BCAS3: variants seen among roughly 807,000 people sequenced by gnomAD.
The protein encoded by BCAS3 is BCAS4/BCAS3 fusion.
In BCAS3, 53 loss-of-function variants were observed where a neutral mutation model predicts 116.1. The observed-to-expected ratio is 0.46, with a 90% confidence interval of 0.37 to 0.57. The LOEUF (loss-of-function observed/expected upper bound fraction) is 0.57, where lower values mean the gene tolerates loss of function less well. BCAS3 is among the 20% of genes least tolerant of loss of function. The probability of loss-of-function intolerance (pLI) is 0.00; values close to 1 mark genes in which losing one functional copy is unlikely to be tolerated. For missense variants in BCAS3, 917 were observed against 1,165.4 expected, an observed-to-expected ratio of 0.79 and a Z score of 3.10; for synonymous variants, 391 against 408.2, an observed-to-expected ratio of 0.96 and a Z score of 0.51.
At position 60,964,224 on chromosome 17, in the gene BCAS3, G is replaced by A. The variant is rs2061551152; in HGVS notation, c.1221+16872G>A. ...AGTATGTTGTTTCTATACCCATTTT[G>A]ATTAGGGGTTTTTTTATATCATAAA... On this transcript the variant is annotated intron_variant, in intron 14 of 23. Transcript: ENST00000407086. This position sits in a 1 kb window ranked among gnomAD's most constrained non-coding sequence, Gnocchi z 4.6. 6.6e-6 allele frequency among the ~76,000 whole-genome samples: 1 copy of A among 151,972 alleles called. No individual in the cohort carries two copies. The highest frequency in any genetic ancestry group is 2.4e-5 in the African/African-American group (1 of 41,376).
rs1234706330 is a variant in BCAS3 at position 61,144,392 on chromosome 17, A to G, written c.2425+59828A>G. ...AAGACCTGGAACATTTCAGACAATC[A>G]CACAGATGTTTTCTTATGCTATATA... is the stretch of plus-strand genomic sequence containing the variant. On this transcript the variant is annotated intron_variant, in intron 22 of 23. Coordinates refer to ENST00000407086, the MANE Select transcript of BCAS3 (RefSeq NM_017679.5). The surrounding 1 kb of genome is among the most constrained non-coding windows in gnomAD (Gnocchi z 5.0). 6.6e-6 allele frequency among the ~76,000 whole-genome samples: 1 copy of G among 152,226 alleles called. No individual in the cohort carries two copies. Among genetic ancestry groups the G allele is most frequent in the African/African-American group, 2.4e-5 (1 of 41,454 alleles).
At chr17:60,719,462 AAGG>A (rs1463361975) in intron 5 of BCAS3, among the ~76,000 whole-genome samples, 1 of 152,238 alleles carries the variant, frequency 6.6e-6, no homozygotes, top group African/African-American at 2.4e-5. Context: ...CCAGTTGGAG[AAGG>A]AGTTTTTGAT....
Position 61,251,185 on chromosome 17 carries a change from G to A in BCAS3, c.2426-117142G>A, listed in dbSNP as rs1380542145. Among the ~76,000 whole-genome samples the A allele has an allele frequency of 1.3e-5, 2 of 152,224 alleles. No homozygotes were observed. Among genetic ancestry groups the A allele is most frequent in the Non-Finnish European group, 2.9e-5 (2 of 68,036 alleles). ...GAGACATTGGAGGCCTCAGCCTGGT[G>A]TCCCAGACAGTATTTGTCAGGCTGA... On this transcript the variant is annotated intron_variant, in intron 22 of 23. Coordinates refer to ENST00000407086, the MANE Select transcript of BCAS3 (RefSeq NM_017679.5). The surrounding 1 kb of genome is among the most constrained non-coding windows in gnomAD (Gnocchi z 4.7).
chr17:61,358,117 T>C (rs1603024259), intron 22 of BCAS3, among the ~76,000 whole-genome samples: 1 of 151,808 alleles, frequency 6.6e-6, no homozygotes, highest in Non-Finnish European at 1.5e-5. Context: ...GGGAAACATA[T>C]AGAAAAATAT....
intron 22 of BCAS3, among the ~76,000 whole-genome samples, chr17:61,250,682 C>G (rs891555377): frequency 6.6e-6 from 1 of 152,208 alleles, no homozygotes; most frequent in African/African-American, 2.4e-5. Flanking sequence ...CTCTCCTTTA[C>G]TAACCCATGT....
intron 22 of BCAS3, among the ~76,000 whole-genome samples, chr17:61,338,329 C>T (rs1264296126): frequency 6.6e-6 from 1 of 152,182 alleles, no homozygotes; most frequent in East Asian, 1.9e-4. Context: ...CTATAATAAG[C>T]AAATTCAGCA....
At chr17:60,764,585 C>T (rs8080577) in intron 6 of BCAS3, among the ~76,000 whole-genome samples, 41,666 of 151,868 alleles carry the variant, frequency 0.27, 11,419 homozygotes, top group African/African-American at 0.71. Flanking sequence ...TTCTGTTCTT[C>T]TATATTTGCT....
intron 19 of BCAS3, among the ~76,000 whole-genome samples, chr17:61,064,560 T>A (rs2070411867): frequency 6.6e-6 from 1 of 152,196 alleles, no homozygotes; most frequent in Non-Finnish European, 1.5e-5. Context: ...TTATGTCTTC[T>A]GTAGTAATAT....
chr17:61,015,735 A>G lies in BCAS3; in HGVS notation c.1487-16A>G. On this transcript the variant is annotated splice_polypyrimidine_tract_variant and intron_variant, in intron 15 of 23. Transcript: ENST00000407086. Reference sequence around the variant, plus strand: ...ACCTTCCTCAGTGATGCTTTTCTTTATTTTTCTCTTTGTAGGGAAACTGAA... The same window carrying G: ...ACCTTCCTCAGTGATGCTTTTCTTTGTTTTTCTCTTTGTAGGGAAACTGAA... The G allele has an allele frequency of 6.2e-7, 1 of 1,613,414 alleles. No individual in the cohort carries two copies. Among genetic ancestry groups the G allele is most frequent in the Non-Finnish European group, 8.5e-7 (1 of 1,179,556 alleles).
At chr17:60,839,958 A>G (rs2051740144) in intron 7 of BCAS3, among the ~76,000 whole-genome samples, 2 of 152,178 alleles carry the variant, frequency 1.3e-5, no homozygotes, top group South Asian at 4.1e-4. Flanking sequence ...AGTCTTTGTA[A>G]AGGAAAATGG....
At chr17:60,991,074 A>G (rs1354579417) in intron 15 of BCAS3, among the ~76,000 whole-genome samples, 1 of 152,164 alleles carries the variant, frequency 6.6e-6, no homozygotes, top group Non-Finnish European at 1.5e-5. Flanking sequence ...TCTCTTTTGC[A>G]TACCTTCTCC....
intron 14 of BCAS3, among the ~76,000 whole-genome samples, chr17:60,958,402 A>G (rs1290903784): frequency 1.3e-5 from 2 of 152,238 alleles, no homozygotes; most frequent in African/African-American, 2.4e-5. Flanking sequence ...ACAGGATATT[A>G]GATCAATATA....
chr17:60,947,799 C>T (rs899465989), intron 14 of BCAS3, among the ~76,000 whole-genome samples: 3 of 152,108 alleles, frequency 2.0e-5, no homozygotes, highest in African/African-American at 7.2e-5. Flanking sequence ...TATATGAATA[C>T]AGTGGAGGCT....
intron 19 of BCAS3, chr17:61,069,925 G>A (rs1383307082): frequency 1.3e-6 from 2 of 1,543,870 alleles, no homozygotes; most frequent in Non-Finnish European, 1.8e-6. Flanking sequence ...CGAAGCCAAA[G>A]CGAAGGCTTT....
At chr17:61,280,795 G>A (rs1042902656) in intron 22 of BCAS3, among the ~76,000 whole-genome samples, 4 of 152,236 alleles carry the variant, frequency 2.6e-5, no homozygotes, top group East Asian at 1.9e-4. Flanking sequence ...TAAAGGTTCC[G>A]CCAGTTCTCT....
At position 61,044,465 on chromosome 17, in the gene BCAS3, A is replaced by AATATAT. The variant is rs1555683922; in HGVS notation, c.2029+3582_2029+3587dup. 5.8e-4 allele frequency among the ~76,000 whole-genome samples: 70 copies of AATATAT among 120,046 alleles called. 1 individual carries two copies. The highest frequency in any genetic ancestry group is 2.6e-3 in the African/African-American group (52 of 19,990). The allele number at this position is 120,046 out of a possible 152,430, so 78.8% of individuals were successfully genotyped here. ...CTGTCTCAAAAAAAAAAAAAAAAAA[A>AATATAT]ATATATATATATATGCCATAAGAAC... On this transcript the variant is annotated intron_variant, in intron 19 of 23. Coordinates refer to ENST00000407086, the MANE Select transcript of BCAS3 (RefSeq NM_017679.5).
At position 61,181,242 on chromosome 17, in the gene BCAS3, G is replaced by T. The variant is rs2079463884; in HGVS notation, c.2425+96678G>T. On this transcript the variant is annotated intron_variant, in intron 22 of 23. Transcript: ENST00000407086. The surrounding 1 kb of genome is among the most constrained non-coding windows in gnomAD (Gnocchi z 5.0). ...TTTAATTAATTAATTGGTATGACTG[G>T]TGAGGAACAAGATGATTCGTTCCTT... Among the ~76,000 whole-genome samples, 1 of 152,116 alleles carries T rather than the reference G, an allele frequency of 6.6e-6. No homozygotes were observed. The highest frequency in any genetic ancestry group is 1.5e-5 in the Non-Finnish European group (1 of 68,006).
chr17:60,974,455 G>T (rs963381066), intron 14 of BCAS3, among the ~76,000 whole-genome samples: 2 of 151,956 alleles, frequency 1.3e-5, no homozygotes, highest in African/African-American at 4.8e-5. Flanking sequence ...TTAGATATTG[G>T]TTTCCCCAAA....
intron 22 of BCAS3, among the ~76,000 whole-genome samples, chr17:61,155,410 G>A (rs959562562): frequency 1.3e-5 from 2 of 151,400 alleles, no homozygotes; most frequent in African/African-American, 4.9e-5. Context: ...CAACAGAAGT[G>A]AGCACTTGTG....
Sources: gnomAD v4.1 joint callset for allele counts (sites outside exome capture counted in the v4.1 genomes callset) on GRCh38, gnomAD v4.1.1 for gene constraint, Gnocchi (gnomAD v3.1) non-coding constraint, MANE v1.5 for transcripts, NCBI Gene and HGNC (gene_info 2026-07-23, HGNC 2026-07-21) for gene names.